Variants in DNAJC1 observed in about 807,000 individuals in gnomAD.
The protein encoded by DNAJC1 is DnaJ heat shock protein family (Hsp40) member C1.
Under a neutral mutation model 76.6 loss-of-function variants are expected in DNAJC1, and 58 were observed. That is an observed-to-expected ratio of 0.76 (90% CI 0.61 to 0.94). The LOEUF (loss-of-function observed/expected upper bound fraction) is 0.94, where lower values mean the gene tolerates loss of function less well. Ranked by LOEUF, DNAJC1 falls within the 40% of genes least tolerant of loss-of-function variation. The probability of loss-of-function intolerance (pLI) is 0.00; values close to 1 mark genes in which losing one functional copy is unlikely to be tolerated. For missense variants in DNAJC1, 689 were observed against 677.3 expected, an observed-to-expected ratio of 1.02 and a Z score of -0.19; for synonymous variants, 258 against 267.9, an observed-to-expected ratio of 0.96 and a Z score of 0.36.
At chr10:21,953,224 C>CA (rs1456402265) in intron 1 of DNAJC1, among the ~76,000 whole-genome samples, 1 of 151,784 alleles carries the variant, frequency 6.6e-6, no homozygotes, top group East Asian at 1.9e-4. Context: ...CTTGGGAACT[C>CA]AAATGTTGAA....
chr10:21,939,600 ATGT>A (rs1464787929), intron 1 of DNAJC1, among the ~76,000 whole-genome samples: 2 of 152,182 alleles, frequency 1.3e-5, no homozygotes, highest in Admixed American at 6.5e-5. Flanking sequence ...ATTTAGTAAC[ATGT>A]TGTACAAGTC....
At chr10:21,958,372 G>A (rs1373082929) in intron 1 of DNAJC1, among the ~76,000 whole-genome samples, 1 of 150,766 alleles carries the variant, frequency 6.6e-6, no homozygotes, top group East Asian at 1.9e-4. Context: ...CGATAATCTA[G>A]TTTTAGAATA....
chr10:21,975,654 C>T (rs1449232411), intron 1 of DNAJC1, among the ~76,000 whole-genome samples: 1 of 123,228 alleles, frequency 8.1e-6, no homozygotes, highest in Non-Finnish European at 1.8e-5. Flanking sequence ...ACTTACTGTC[C>T]CTCTGTTAGA....
At chr10:21,977,631 C>A (rs1564843197) in intron 1 of DNAJC1, among the ~76,000 whole-genome samples, 1 of 152,126 alleles carries the variant, frequency 6.6e-6, no homozygotes, top group Non-Finnish European at 1.5e-5. Flanking sequence ...TATACATGCC[C>A]AGGCGCCAAC....
intron 3 of DNAJC1, 74 bp downstream of exon 3, chr10:21,928,432 A>T (rs1482470393): frequency 7.8e-7 from 1 of 1,274,468 alleles, no homozygotes. Context: ...AAAATGTTTA[A>T]GAAGACTTAA....
At chr10:21,784,550 G>T (rs1275022435) in intron 9 of DNAJC1, among the ~76,000 whole-genome samples, 1 of 152,154 alleles carries the variant, frequency 6.6e-6, no homozygotes. Flanking sequence ...ACATTACTGG[G>T]TATGTACCCA....
intron 9 of DNAJC1, chr10:21,804,035 A>G: frequency 1.1e-6 from 1 of 900,508 alleles, no homozygotes; most frequent in Non-Finnish European, 1.3e-6. Flanking sequence ...AAAGTTTAAA[A>G]AGATGCTTTT....
intron 6 of DNAJC1, among the ~76,000 whole-genome samples, chr10:21,917,323 G>A (rs953872226): frequency 6.6e-6 from 1 of 151,876 alleles, no homozygotes; most frequent in Non-Finnish European, 1.5e-5. Context: ...AAATTACCCT[G>A]CATGCTAAAC....
chr10:21,943,474 T>C (rs548688298), intron 1 of DNAJC1, among the ~76,000 whole-genome samples: 62 of 152,336 alleles, frequency 4.1e-4, no homozygotes, highest in African/African-American at 1.4e-3. Flanking sequence ...CTGCCTACTG[T>C]ACCTTCCAAT....
chr10:21,894,665 C>T (rs1020669555), intron 7 of DNAJC1, among the ~76,000 whole-genome samples: 6 of 152,078 alleles, frequency 3.9e-5, no homozygotes, highest in Admixed American at 6.6e-5. Flanking sequence ...AAAGATAATG[C>T]AAAAAGAGAA....
At chr10:21,845,955 C>G (rs1590011987) in intron 8 of DNAJC1, among the ~76,000 whole-genome samples, 1 of 152,176 alleles carries the variant, frequency 6.6e-6, no homozygotes, top group African/African-American at 2.4e-5. Flanking sequence ...CTTCAGATTT[C>G]CTTAACCACC....
intron 1 of DNAJC1, among the ~76,000 whole-genome samples, chr10:21,973,756 A>G (rs1590074530): frequency 6.6e-6 from 1 of 152,204 alleles, no homozygotes. Context: ...AAAAGAAAAA[A>G]AGAAAAAAGA....
At chr10:21,818,061 T>C (rs180703502) in intron 8 of DNAJC1, among the ~76,000 whole-genome samples, 1 of 152,196 alleles carries the variant, frequency 6.6e-6, no homozygotes, top group East Asian at 1.9e-4. Context: ...ACAAGAGAGA[T>C]AACCTTAAAC....
chr10:21,899,437 T>C (rs994133319), intron 7 of DNAJC1, among the ~76,000 whole-genome samples: 12 of 152,202 alleles, frequency 7.9e-5, no homozygotes, highest in African/African-American at 2.9e-4. Context: ...GGAGTCTACC[T>C]GAGACAGGAC....
At position 21,941,286 on chromosome 10, in the gene DNAJC1, A is replaced by AG. The variant is rs1381493838; in HGVS notation, c.223-12146_223-12145insC. Reference sequence around the variant, plus strand: ...ACTGTCTCAAAAAAAAAAAAAAAAAAAAAAAACAGATAGAACAACCAAATG... The same window carrying AG: ...ACTGTCTCAAAAAAAAAAAAAAAAAAGAAAAAACAGATAGAACAACCAAATG... On this transcript the variant is annotated intron_variant, in intron 1 of 11. Coordinates refer to ENST00000376980, the MANE Select transcript of DNAJC1 (RefSeq NM_022365.4). Among the ~76,000 whole-genome samples, 1,133 of 149,652 alleles carry AG rather than the reference A, an allele frequency of 7.6e-3. 5 individuals are homozygous for AG. Among genetic ancestry groups the AG allele is most frequent in the Non-Finnish European group, 0.012 (820 of 67,132 alleles).
Position 21,915,895 on chromosome 10 carries a change from C to G in DNAJC1, c.729+2884G>C, listed in dbSNP as rs575330547. On this transcript the variant is annotated intron_variant, in intron 6 of 11. Transcript: ENST00000376980. ...TGGAGGTGTGTGCCTATAGTCCCAG[C>G]TACTTGGAAGGCTGAGGTGGGGGGA... is the stretch of plus-strand genomic sequence containing the variant. Among the ~76,000 whole-genome samples the G allele has an allele frequency of 4.7e-4, 71 of 150,314 alleles. 1 individual carries two copies. The highest frequency in any genetic ancestry group is 1.6e-3 in the African/African-American group (66 of 40,952).
intron 1 of DNAJC1, among the ~76,000 whole-genome samples, chr10:21,931,081 C>G (rs1033764200): frequency 3.9e-5 from 6 of 152,176 alleles, no homozygotes; most frequent in African/African-American, 1.4e-4. Flanking sequence ...ACCATATGTA[C>G]CCCAAATGTA....
intron 9 of DNAJC1, among the ~76,000 whole-genome samples, chr10:21,790,490 A>C (rs1226897699): frequency 6.9e-6 from 1 of 144,506 alleles, no homozygotes. Context: ...AAAGAATGAA[A>C]CAATGTATTC....
chr10:21,940,279 T>C (rs1419207180), intron 1 of DNAJC1, among the ~76,000 whole-genome samples: 7 of 152,212 alleles, frequency 4.6e-5, no homozygotes, highest in Non-Finnish European at 8.8e-5. Flanking sequence ...TGGGCTTCTA[T>C]GGCCAATATG....
Sources: allele counts gnomAD v4.1 joint callset (sites outside exome capture counted in the v4.1 genomes callset), GRCh38; gene constraint gnomAD v4.1.1; transcripts MANE v1.5; gene names NCBI Gene and HGNC (gene_info 2026-07-23, HGNC 2026-07-21).